Variants in MCU observed in about 807,000 individuals in gnomAD.
MCU encodes the protein mitochondrial calcium uniporter.
MCU carries 12 observed loss-of-function variants against 45.2 expected under a neutral mutation model. The ratio of observed to expected loss-of-function variants is 0.27; its 90% CI spans 0.17 to 0.43. The LOEUF (loss-of-function observed/expected upper bound fraction) is 0.43. Among genes scored for constraint, MCU ranks in the 20% least tolerant of loss-of-function variants. MCU has a pLI of 1.00. For synonymous variants in MCU, 160 were observed against 165.1 expected (o/e 0.97, Z 0.24); for missense variants, 324 against 436.7 (o/e 0.74, Z 2.30).
intron 4 of MCU, among the ~76,000 whole-genome samples, chr10:72,864,686 G>A (rs943939316): frequency 6.6e-6 from 1 of 152,136 alleles, no homozygotes; most frequent in Non-Finnish European, 1.5e-5. Context: ...AAAAGTTGCA[G>A]GGGGGTGGTG....
chr10:72,876,057 G>A (rs1845612298), intron 6 of MCU, among the ~76,000 whole-genome samples: 1 of 152,080 alleles, frequency 6.6e-6, no homozygotes, highest in Non-Finnish European at 1.5e-5. Flanking sequence ...ACTTAGGGTG[G>A]CAATAATGAA....
At chr10:72,719,024 G>C (rs1842987595) in intron 1 of MCU, among the ~76,000 whole-genome samples, 1 of 152,138 alleles carries the variant, frequency 6.6e-6, no homozygotes. Flanking sequence ...TGGGGTGCTA[G>C]TAATGTTCTG....
At chr10:72,767,540 G>A (rs1843745829) in intron 1 of MCU, among the ~76,000 whole-genome samples, 1 of 151,810 alleles carries the variant, frequency 6.6e-6, no homozygotes, top group South Asian at 2.1e-4. Context: ...TAGAGATGAG[G>A]TCTCACTATG....
chr10:72,880,350 A>C (rs1255390929), intron 6 of MCU, among the ~76,000 whole-genome samples: 1 of 152,242 alleles, frequency 6.6e-6, no homozygotes, highest in African/African-American at 2.4e-5. Context: ...TATTGGATAC[A>C]AGATCAATGT....
At chr10:72,874,654 G>A (rs1378073669) in intron 6 of MCU, among the ~76,000 whole-genome samples, 1 of 152,170 alleles carries the variant, frequency 6.6e-6, no homozygotes, top group Non-Finnish European at 1.5e-5. Flanking sequence ...AGAATTTTTA[G>A]CACCTAGTTG....
chr10:72,872,578 G>A (rs1716657702), intron 6 of MCU, among the ~76,000 whole-genome samples: 1 of 152,142 alleles, frequency 6.6e-6, no homozygotes, highest in Non-Finnish European at 1.5e-5. Flanking sequence ...TATCCATTTT[G>A]CTGCAAAGGA....
At chr10:72,827,646 C>G (rs1426627672) in intron 1 of MCU, among the ~76,000 whole-genome samples, 1 of 152,050 alleles carries the variant, frequency 6.6e-6, no homozygotes, top group East Asian at 1.9e-4. Context: ...GAGTCAATCT[C>G]TTATGGATAT....
chr10:72,804,044 ATATATATATATATATATATATATATATAT>A (rs1191845560), intron 1 of MCU, among the ~76,000 whole-genome samples: 5 of 73,932 alleles, frequency 6.8e-5, no homozygotes, highest in African/African-American at 3.9e-4. Context: ...ATATATATAT[ATATATATATATATATATATATATATATAT>A]AAAATAAGAG....
At chr10:72,874,163 G>T (rs2132890057) in intron 6 of MCU, among the ~76,000 whole-genome samples, 1 of 152,234 alleles carries the variant, frequency 6.6e-6, no homozygotes, top group East Asian at 1.9e-4. Context: ...GATAGGGAAT[G>T]CATCAAATGT....
At chr10:72,754,281 C>A (rs1031651479) in intron 1 of MCU, among the ~76,000 whole-genome samples, 5 of 152,116 alleles carry the variant, frequency 3.3e-5, no homozygotes, top group Non-Finnish European at 5.9e-5. Flanking sequence ...ACTGAGCCAC[C>A]CTTACCCAAA....
intron 2 of MCU, among the ~76,000 whole-genome samples, chr10:72,847,930 C>G (rs1845146397): frequency 6.6e-6 from 1 of 152,182 alleles, no homozygotes. Context: ...GGATTGTCCT[C>G]ATGATATGAT....
At chr10:72,874,372 C>G (rs1414172797) in intron 6 of MCU, among the ~76,000 whole-genome samples, 1 of 152,132 alleles carries the variant, frequency 6.6e-6, no homozygotes, top group Non-Finnish European at 1.5e-5. Context: ...ACCTAGCACT[C>G]CCTTTAATAT....
chr10:72,844,184 C>G (rs1387800125), intron 2 of MCU, among the ~76,000 whole-genome samples: 1 of 151,982 alleles, frequency 6.6e-6, no homozygotes, highest in Non-Finnish European at 1.5e-5. Flanking sequence ...GTCAGGAGTT[C>G]GAGACCAGCC....
Position 72,885,966 on chromosome 10 carries a change from G to C in MCU, c.*144G>C. 1 of 619,976 alleles carries C rather than the reference G, an allele frequency of 1.6e-6. No homozygotes were observed. Among genetic ancestry groups the C allele is most frequent in the Non-Finnish European group, 2.8e-6 (1 of 351,190 alleles). The allele number at this position is 619,976 out of a possible 1,614,324, so 38.4% of individuals were successfully genotyped here. On this transcript the variant is annotated 3_prime_UTR_variant, in exon 8 of 8. Transcript: ENST00000373053. ...AAACAAAAACAGAAAGGATCTGAGG[G>C]AAGAAGGGAATGTTAAAACCTGAGG...
chr10:72,786,847 C>T (rs1331741997), intron 1 of MCU, among the ~76,000 whole-genome samples: 2 of 152,150 alleles, frequency 1.3e-5, no homozygotes, highest in East Asian at 1.9e-4. Context: ...TGGAAACATG[C>T]CATCACTGGT....
rs572552955 is a variant in MCU at position 72,864,797 on chromosome 10, A to C, written c.497-3906A>C. On this transcript the variant is annotated intron_variant, in intron 4 of 7. Transcript: ENST00000373053. ...ATAATTAAACATGTAGATCAGGGAC[A>C]GTTAGCCATTTATCAGCTATGCTAA... 3.3e-5 allele frequency among the ~76,000 whole-genome samples: 5 copies of C among 152,286 alleles called. No individual in the cohort carries two copies. In the South Asian group the frequency reaches 1.0e-3, roughly 32 times the overall value.
chr10:72,840,548 A>G (rs1040166768), intron 2 of MCU, among the ~76,000 whole-genome samples: 1 of 152,142 alleles, frequency 6.6e-6, no homozygotes, highest in South Asian at 2.1e-4. Flanking sequence ...TCATTATTGT[A>G]TTGAGGACAC....
At chr10:72,694,362 T>A (rs1228576922) in intron 1 of MCU, among the ~76,000 whole-genome samples, 2 of 152,214 alleles carry the variant, frequency 1.3e-5, no homozygotes, top group Admixed American at 6.5e-5. Context: ...CGTTAGCTAA[T>A]ACGTAAGTTT....
chr10:72,766,128 A>G (rs1007988887), intron 1 of MCU, among the ~76,000 whole-genome samples: 4 of 152,212 alleles, frequency 2.6e-5, no homozygotes, highest in Admixed American at 2.0e-4. Context: ...ATGGCCTTCC[A>G]CAGTGCTGGG....
Sources: gnomAD v4.1 joint callset for allele counts (sites outside exome capture counted in the v4.1 genomes callset) on GRCh38, gnomAD v4.1.1 for gene constraint, MANE v1.5 for transcripts, NCBI Gene and HGNC (gene_info 2026-07-23, HGNC 2026-07-21) for gene names.